The following BRSK2 variants were observed in gnomAD, a reference collection of about 807,000 sequenced individuals.
The protein encoded by BRSK2 is BR serine/threonine kinase 2, also known as serine/threonine-protein kinase BRSK2.
Under a neutral mutation model 83.3 loss-of-function variants are expected in BRSK2, and 19 were observed. The observed-to-expected ratio is 0.23, with a 90% CI of 0.16 to 0.33. The LOEUF is 0.33. Ranked by LOEUF, BRSK2 falls within the 10% of genes least tolerant of loss-of-function variation. BRSK2 has a pLI of 1.00. For missense variants in BRSK2, 798 were observed against 1,042.3 expected (o/e 0.77, Z 3.23); for synonymous variants, 519 against 435.4 (o/e 1.19, Z -2.39).
In BRSK2 at chr11:1,460,737, C is replaced by CCT; in HGVS notation, c.*15_*16insTC. On this transcript the variant is annotated 3_prime_UTR_variant, in exon 20 of 20. Coordinates refer to ENST00000528841, the MANE Select transcript of BRSK2 (RefSeq NM_001256627.2). Reference sequence around the variant, plus strand: ...GAGCAGCCTTAGACACACTAGCCCCCCCCCCCAGCACAGCACTGACAGCGG... The same window carrying CCT: ...GAGCAGCCTTAGACACACTAGCCCCCCTCCCCCCAGCACAGCACTGACAGCGG... The CCT allele has an allele frequency of 7.1e-7, 1 of 1,412,096 alleles. No homozygotes were observed. Among genetic ancestry groups the CCT allele is most frequent in the Non-Finnish European group, 9.3e-7 (1 of 1,075,420 alleles). 87.5% of individuals were successfully genotyped at this position (1,412,096 alleles called of 1,614,324 possible).
chr11:1,421,886 T>G (rs1300207070), intron 1 of BRSK2, among the ~76,000 whole-genome samples: 1 of 148,792 alleles, frequency 6.7e-6, no homozygotes, highest in Non-Finnish European at 1.5e-5. Context: ...GGAGCAAACC[T>G]GCCGGCCCAG....
At chr11:1,395,607 A>G (rs1182475164) in intron 1 of BRSK2, among the ~76,000 whole-genome samples, 1 of 152,120 alleles carries the variant, frequency 6.6e-6, no homozygotes, top group African/African-American at 2.4e-5. Context: ...GTCCCCACCC[A>G]CTGTGGCCCT....
chr11:1,445,653 C>T lies in BRSK2; in HGVS notation c.1060C>T (p.Pro354Ser), dbSNP rs773529064. Residue 354 changes from proline to serine, a missense_variant, in exon 11 of 20, where the codon CCC (proline) becomes TCC (serine). Transcript: ENST00000528841. Reference sequence around the variant, plus strand: ...GAGCCAGGAGGATGAGGACCTGCCCCCCCGGAACGAGATAGGTATGGGTCC... The same window carrying T: ...GAGCCAGGAGGATGAGGACCTGCCCTCCCGGAACGAGATAGGTATGGGTCC... Reference protein sequence around the residue: ...YPSQEDEDLPPRNEIDPPRKR... With the variant: ...YPSQEDEDLPSRNEIDPPRKR... The T allele has an allele frequency of 5.0e-6, 8 of 1,596,352 alleles. No homozygotes were observed. The highest frequency in any genetic ancestry group is 6.0e-6 in the Non-Finnish European group (7 of 1,171,930).
intron 1 of BRSK2, among the ~76,000 whole-genome samples, chr11:1,401,251 C>T (rs991346365): frequency 3.3e-4 from 51 of 152,390 alleles, no homozygotes; most frequent in African/African-American, 9.9e-4. Context: ...CATCACACCT[C>T]ACCCGTGAGC....
At chr11:1,426,630 C>T (rs949181157) in intron 1 of BRSK2, among the ~76,000 whole-genome samples, 2 of 152,094 alleles carry the variant, frequency 1.3e-5, no homozygotes, top group Non-Finnish European at 2.9e-5. Context: ...CTGCCTGGCC[C>T]TGGGTGAAGG....
At chr11:1,456,194 G>A (rs1050569447) in intron 16 of BRSK2, among the ~76,000 whole-genome samples, 154 bp from the exon 17 acceptor site, 4 of 152,124 alleles carry the variant, frequency 2.6e-5, no homozygotes, top group East Asian at 1.9e-4. Flanking sequence ...TGCTCCAGCC[G>A]TCTCCAACCG....
chr11:1,390,434 T>C lies in BRSK2; in HGVS notation c.91+59T>C. 1.1e-6 allele frequency: 1 copy of C among 910,846 alleles called. No homozygotes were observed. The highest frequency in any genetic ancestry group is 1.3e-6 in the Non-Finnish European group (1 of 758,914). The allele number at this position is 910,846 out of a possible 1,614,324, so 56.4% of individuals were successfully genotyped here. On this transcript the variant is annotated intron_variant, in intron 1 of 19. Transcript: ENST00000528841. This position sits in a 1 kb window ranked among gnomAD's most constrained non-coding sequence, Gnocchi z 6.8. The stretch of plus-strand genomic sequence containing the variant: ...GAGGCCGCGCTGGCAGCGCGCTGGG[T>C]GGGGGGCGCCCGAGGGAGGCCCCGG...
At position 1,461,681 on chromosome 11, in the gene BRSK2, G is replaced by A. The variant is rs1323297171; in HGVS notation, c.*958G>A. ...CCTCTGAGGACAGAGCTGGTGGGGC[G>A]CGGGGGGGCTGGCGAGCTACTGTAA... is the stretch of plus-strand genomic sequence containing the variant. On this transcript the variant is annotated 3_prime_UTR_variant, in exon 20 of 20. Transcript: ENST00000528841. The A allele has an allele frequency of 6.6e-6, 1 of 152,116 alleles. No homozygotes were observed. The highest frequency in any genetic ancestry group is 1.5e-5 in the Non-Finnish European group (1 of 68,040). The allele number at this position is 152,116 out of a possible 1,614,324, so 9.4% of individuals were successfully genotyped here. A position where few individuals can be genotyped will look rare whatever the true frequency, so the allele number is the denominator to read the frequency against.
At position 1,447,755 on chromosome 11, in the gene BRSK2, G is replaced by A. The variant is rs764720521; in HGVS notation, c.1226+1848G>A. 4 of 1,575,184 alleles carry A rather than the reference G, an allele frequency of 2.5e-6. No homozygotes were observed. In the Admixed American group the frequency reaches 7.0e-5, roughly 28 times the overall value. ...CCTGGGGGCCGACCTGTGCCCGCGT[G>A]TGGCCGTCAGTAACTGTGTTTTCTC... On this transcript the variant is annotated intron_variant, in intron 12 of 19. Coordinates refer to ENST00000528841, the MANE Select transcript of BRSK2 (RefSeq NM_001256627.2).
chr11:1,414,774 G>A (rs915382387), intron 1 of BRSK2, among the ~76,000 whole-genome samples: 1 of 152,212 alleles, frequency 6.6e-6, no homozygotes, highest in Admixed American at 6.5e-5. Flanking sequence ...AGCGTGGCCT[G>A]CCTTCCGTTT....
intron 15 of BRSK2, 31 bp downstream of exon 15, chr11:1,451,450 A>T (rs776781982): frequency 6.2e-7 from 1 of 1,607,096 alleles, no homozygotes; most frequent in Non-Finnish European, 8.5e-7. Flanking sequence ...GCCTCCTGGT[A>T]CCTGACACCA....
Position 1,445,902 on chromosome 11 carries a change from C to T in BRSK2, c.1221C>T (p.Gly407=), listed in dbSNP as rs1405728625. 1 of 1,606,970 alleles carries T rather than the reference C, an allele frequency of 6.2e-7. No homozygotes were observed. The highest frequency in any genetic ancestry group is 1.7e-5 in the Admixed American group (1 of 59,790). The change falls in exon 12 of 20, where the codon GGC becomes GGT. Residue 407 remains glycine, a synonymous_variant. Coordinates refer to ENST00000528841, the MANE Select transcript of BRSK2 (RefSeq NM_001256627.2). ...GGGCCATTGAGATGGCCCAGCACGG[C>T]CAGAGGTGTGTGTGCCCCGAGGCTG... ...ARRAIEMAQH[G]QRSRSISGAS... is the part of the protein sequence containing the mutation.
At chr11:1,415,830 G>C (rs1848042119) in intron 1 of BRSK2, among the ~76,000 whole-genome samples, 2 of 152,246 alleles carry the variant, frequency 1.3e-5, no homozygotes, top group Non-Finnish European at 2.9e-5. Context: ...CCCTTCTGTT[G>C]CACGGGCTCC....
chr11:1,394,225 C>A (rs528714039), intron 1 of BRSK2, among the ~76,000 whole-genome samples: 2 of 109,992 alleles, frequency 1.8e-5, no homozygotes, highest in South Asian at 7.2e-4. Flanking sequence ...AGATGGGCCC[C>A]TGGAGATGGG....
At chr11:1,456,229 GGT>G in intron 16 of BRSK2, 117 bp from the exon 17 acceptor site, 1 of 1,085,944 alleles carries the variant, frequency 9.2e-7, no homozygotes, top group Non-Finnish European at 1.3e-6. Flanking sequence ...CGGAAGCAGA[GGT>G]GCCTGGGTGC....
intron 1 of BRSK2, among the ~76,000 whole-genome samples, chr11:1,398,821 C>G (rs1269433035): frequency 6.6e-6 from 1 of 152,160 alleles, no homozygotes; most frequent in East Asian, 1.9e-4. Flanking sequence ...GTGATGGGGC[C>G]TGGGTGTACC....
chr11:1,414,118 T>C (rs1274697569), intron 1 of BRSK2, among the ~76,000 whole-genome samples: 2 of 152,242 alleles, frequency 1.3e-5, no homozygotes, highest in Non-Finnish European at 2.9e-5. Flanking sequence ...CATAAAGATA[T>C]TCAAATTAAA....
At chr11:1,419,301 C>T (rs542088967) in intron 1 of BRSK2, among the ~76,000 whole-genome samples, 97 of 151,942 alleles carry the variant, frequency 6.4e-4, no homozygotes, top group African/African-American at 2.2e-3. Context: ...GGGGGGCCTT[C>T]GCTGAGCTGT....
intron 12 of BRSK2, 95 bp downstream of exon 12, chr11:1,446,002 C>G (rs555283983): frequency 2.9e-6 from 4 of 1,383,854 alleles, no homozygotes; most frequent in Non-Finnish European, 3.8e-6. Context: ...CCTGGGGTCT[C>G]GGCTGAGGCC....
Sources: allele counts gnomAD v4.1 joint callset (sites outside exome capture counted in the v4.1 genomes callset), GRCh38; gene constraint gnomAD v4.1.1; non-coding constraint Gnocchi (gnomAD v3.1); transcripts MANE v1.5; gene names NCBI Gene and HGNC (gene_info 2026-07-23, HGNC 2026-07-21).